EYS: variants seen among roughly 807,000 people sequenced by gnomAD.
The protein encoded by EYS is EGF-like photoreceptor maintenance factor.
EYS carries 250 observed loss-of-function variants against 282.1 expected under a neutral mutation model. The ratio of observed to expected loss-of-function variants is 0.89; its 90% CI spans 0.80 to 0.98. The LOEUF (loss-of-function observed/expected upper bound fraction) is 0.98. Among genes scored for constraint, EYS ranks in the 50% least tolerant of loss-of-function variants. The pLI, the probability that EYS is intolerant of heterozygous loss-of-function variation, is 0.00. For synonymous variants in EYS, 1,355 were observed against 1,282.9 expected (o/e 1.06, Z -1.20); for missense variants, 4,016 against 3,709.0 (o/e 1.08, Z -2.15).
chr6:65,180,940 A>C (rs1204588592), intron 12 of EYS, among the ~76,000 whole-genome samples: 1 of 152,160 alleles, frequency 6.6e-6, no homozygotes, highest in Admixed American at 6.6e-5. Flanking sequence ...AAACCTGAGA[A>C]AAACAAGCAA....
chr6:64,048,001 G>T (rs1172661256), intron 33 of EYS, among the ~76,000 whole-genome samples: 1 of 152,124 alleles, frequency 6.6e-6, no homozygotes, highest in African/African-American at 2.4e-5. Context: ...TGCCTCCCAG[G>T]TTCAAGTGAT....
intron 33 of EYS, among the ~76,000 whole-genome samples, chr6:64,013,292 G>T (rs1364073821): frequency 6.6e-6 from 1 of 152,140 alleles, no homozygotes; most frequent in Admixed American, 6.6e-5. Flanking sequence ...AATGGGACTC[G>T]CAGCATATTC....
At position 64,690,734 on chromosome 6, in the gene EYS, A is replaced by T. The variant is rs115814924; in HGVS notation, c.3444-64489T>A. On this transcript the variant is annotated intron_variant, in intron 22 of 42. Transcript: ENST00000503581. The stretch of plus-strand genomic sequence containing the variant: ...CTGAGCATACTCGCGCAAGGACAGA[A>T]AACCAAACACCGCATGTTCACACTC... Among the ~76,000 whole-genome samples the T allele has an allele frequency of 5.4e-3, 820 of 152,322 alleles. 3 individuals carry two copies. Among genetic ancestry groups the T allele is most frequent in the Non-Finnish European group, 9.2e-3 (625 of 68,036 alleles).
At chr6:64,693,020 ATT>A (rs35133755) in intron 22 of EYS, among the ~76,000 whole-genome samples, 11 of 97,218 alleles carry the variant, frequency 1.1e-4, no homozygotes, top group East Asian at 3.1e-4. Flanking sequence ...GAATTTTAGA[ATT>A]TTTTTTTTCT....
chr6:65,503,689 TC>T (rs1211187116), intron 2 of EYS, among the ~76,000 whole-genome samples: 2 of 151,708 alleles, frequency 1.3e-5, no homozygotes, highest in East Asian at 3.8e-4. Context: ...ATCAAATTCT[TC>T]CAAAACCAAT....
rs1368729121 is a variant in EYS at position 63,852,090 on chromosome 6, G to A, written c.7228+12096C>T. 5.3e-4 allele frequency among the ~76,000 whole-genome samples: 75 copies of A among 142,382 alleles called. No homozygotes were observed. The Middle Eastern group carries it at 0.013, about 25-fold the overall frequency. The allele number at this position is 142,382 out of a possible 152,430, so 93.4% of individuals were successfully genotyped here. On this transcript the variant is annotated intron_variant, in intron 36 of 42. Transcript: ENST00000503581. ...GAGAATGGCGTGAACCCGGGAGGCGGAGCTTGCAGTGAGCCGAGATCCCGC... is the reference window on the plus strand; with the variant it reads ...GAGAATGGCGTGAACCCGGGAGGCGAAGCTTGCAGTGAGCCGAGATCCCGC...
At chr6:64,621,871 G>T (rs1239652714) in intron 23 of EYS, among the ~76,000 whole-genome samples, 1 of 152,134 alleles carries the variant, frequency 6.6e-6, no homozygotes, top group Non-Finnish European at 1.5e-5. Flanking sequence ...TACACAAACT[G>T]TTCCCTATCA....
intron 12 of EYS, among the ~76,000 whole-genome samples, chr6:65,231,298 T>C (rs1020535058): frequency 6.7e-6 from 1 of 150,340 alleles, no homozygotes; most frequent in African/African-American, 2.4e-5. Context: ...GTGTATTAGA[T>C]CAGAAAAAAT....
intron 26 of EYS, among the ~76,000 whole-genome samples, chr6:64,543,259 G>A (rs1349959351): frequency 6.6e-6 from 1 of 151,998 alleles, no homozygotes; most frequent in Non-Finnish European, 1.5e-5. Context: ...TAAATCACCA[G>A]AGATTAGAAA....
intron 18 of EYS, among the ~76,000 whole-genome samples, chr6:64,893,222 G>A (rs1265725802): frequency 6.6e-6 from 1 of 152,004 alleles, no homozygotes; most frequent in Non-Finnish European, 1.5e-5. Flanking sequence ...CAGTGGATTT[G>A]TATATTAATT....
intron 22 of EYS, among the ~76,000 whole-genome samples, chr6:64,745,698 C>A (rs1489277085): frequency 3.3e-5 from 5 of 151,960 alleles, no homozygotes; most frequent in African/African-American, 1.2e-4. Flanking sequence ...AAATGGTACC[C>A]CTATGTCCAA....
intron 22 of EYS, among the ~76,000 whole-genome samples, chr6:64,684,236 C>A (rs995185838): frequency 1.3e-5 from 2 of 152,118 alleles, no homozygotes; most frequent in Admixed American, 6.6e-5. Flanking sequence ...GAAATGATAT[C>A]TTTTAAGTGC....
At chr6:65,205,603 T>A (rs1217503772) in intron 12 of EYS, among the ~76,000 whole-genome samples, 2 of 151,144 alleles carry the variant, frequency 1.3e-5, no homozygotes, top group African/African-American at 4.9e-5. Flanking sequence ...GGAATACATT[T>A]TTCTCATCTA....
intron 35 of EYS, among the ~76,000 whole-genome samples, chr6:63,889,883 C>T (rs909185070): frequency 7.9e-5 from 12 of 151,864 alleles, no homozygotes; most frequent in Admixed American, 3.3e-4. Flanking sequence ...ACCCATCTCA[C>T]GTACAAAGTC....
chr6:65,568,202 C>T (rs912950132), intron 2 of EYS, among the ~76,000 whole-genome samples: 13 of 152,160 alleles, frequency 8.5e-5, no homozygotes, highest in African/African-American at 3.1e-4. Flanking sequence ...CCATTCATTC[C>T]TCCCTAGAAA....
Position 63,788,165 on chromosome 6 carries a change from A to G in EYS, c.7663T>C (p.Tyr2555His), listed in dbSNP as rs925329622. 1.0e-5 allele frequency: 16 copies of G among 1,549,364 alleles called. No homozygotes were observed. Among genetic ancestry groups the G allele is most frequent in the Admixed American group, 2.0e-5 (1 of 50,664 alleles). Residue 2555 changes from tyrosine to histidine, a missense_variant, in exon 39 of 43, where the codon TAC becomes CAC. Physicochemically the swap from Tyr to His is moderately conservative, Grantham distance 83 (BLOSUM62 2). Coordinates refer to ENST00000503581, the MANE Select transcript of EYS (RefSeq NM_001142800.2). ...NVFSQFYVGGYSEYTPDLLPN... is the reference protein window; with the variant it reads ...NVFSQFYVGGHSEYTPDLLPN... ...AAGAGATCTGGAGTGTATTCACTGT[A>G]GCCACCTACATAAAACTGACTGAAG... is the stretch of plus-strand genomic sequence containing the variant.
At chr6:63,725,375 C>G (rs555526223) in intron 42 of EYS, among the ~76,000 whole-genome samples, 1 of 152,156 alleles carries the variant, frequency 6.6e-6, no homozygotes, top group Non-Finnish European at 1.5e-5. Flanking sequence ...ACAATATTCC[C>G]AGCCAGTCAC....
Position 65,296,124 on chromosome 6 carries a change from AAC to A in EYS, c.1767-7_1767-6del, listed in dbSNP as rs1473358529. The A allele has an allele frequency of 6.5e-7, 1 of 1,538,818 alleles. No individual in the cohort carries two copies. On this transcript the variant is annotated splice_polypyrimidine_tract_variant and splice_region_variant and intron_variant, in intron 11 of 42. Transcript: ENST00000503581. ...TAACTAAGAGAACAGCTGCATCTGA[AAC>A]ACAGAGAAATGAAAAACCCAATTAG...
chr6:63,963,065 C>A (rs1428330480), intron 35 of EYS, among the ~76,000 whole-genome samples: 1 of 140,512 alleles, frequency 7.1e-6, no homozygotes, highest in African/African-American at 2.6e-5. Context: ...ACAATGAGAA[C>A]ACTTGGACAC....
Sources: gnomAD v4.1 joint callset for allele counts (sites outside exome capture counted in the v4.1 genomes callset) on GRCh38, gnomAD v4.1.1 for gene constraint, MANE v1.5 for transcripts, NCBI Gene and HGNC (gene_info 2026-07-23, HGNC 2026-07-21) for gene names.